CNTNAP2: variants seen among roughly 807,000 people sequenced by gnomAD.
The protein encoded by CNTNAP2 is contactin-associated protein-like 2.
In CNTNAP2, 98 loss-of-function variants were observed where a neutral mutation model predicts 155.2. That is an observed-to-expected ratio of 0.63 (90% CI 0.54 to 0.75). The LOEUF (loss-of-function observed/expected upper bound fraction) is 0.75. Among genes scored for constraint, CNTNAP2 ranks in the 30% least tolerant of loss-of-function variants. CNTNAP2 has a pLI of 0.00. For missense variants in CNTNAP2, 1,727 were observed against 1,688.1 expected (o/e 1.02, Z -0.40); for synonymous variants, 651 against 631.2 (o/e 1.03, Z -0.47).
intron 11 of CNTNAP2, among the ~76,000 whole-genome samples, chr7:147,491,671 A>G (rs920218560): frequency 3.9e-5 from 6 of 152,190 alleles, no homozygotes; most frequent in African/African-American, 1.2e-4. Flanking sequence ...TGAATGTCAA[A>G]GAGTATCCAG....
At chr7:148,244,574 T>G (rs2116804443) in intron 20 of CNTNAP2, among the ~76,000 whole-genome samples, 1 of 151,790 alleles carries the variant, frequency 6.6e-6, no homozygotes, top group East Asian at 1.9e-4. Context: ...GGGTTTTTTT[T>G]TTTTTCAATA....
At chr7:148,088,697 G>T (rs1803783348) in intron 15 of CNTNAP2, among the ~76,000 whole-genome samples, 1 of 151,912 alleles carries the variant, frequency 6.6e-6, no homozygotes, top group Admixed American at 6.6e-5. Flanking sequence ...AAAATCCCAA[G>T]ACCTGATAGC....
At chr7:146,117,237 G>A in intron 1 of CNTNAP2, 1 of 514,752 alleles carries the variant, frequency 1.9e-6, no homozygotes, top group Admixed American at 3.2e-5. Flanking sequence ...CTTGGCTAGA[G>A]AGACTGATGT....
intron 9 of CNTNAP2, among the ~76,000 whole-genome samples, chr7:147,344,156 A>T (rs1270759255): frequency 1.3e-5 from 2 of 152,142 alleles, no homozygotes; most frequent in Non-Finnish European, 2.9e-5. Context: ...TGTCTTTTCC[A>T]CTGACTCCAA....
intron 1 of CNTNAP2, among the ~76,000 whole-genome samples, chr7:146,164,510 C>A (rs1798282707): frequency 6.6e-6 from 1 of 152,172 alleles, no homozygotes; most frequent in African/African-American, 2.4e-5. Flanking sequence ...GTTGCAGCAA[C>A]TTCCTTGACA....
At chr7:147,315,426 C>A (rs187655735) in intron 9 of CNTNAP2, among the ~76,000 whole-genome samples, 1 of 149,758 alleles carries the variant, frequency 6.7e-6, no homozygotes, top group African/African-American at 2.4e-5. Context: ...TAGGCAACCA[C>A]GGCAACCACG....
At chr7:146,470,091 G>A (rs978840695) in intron 1 of CNTNAP2, among the ~76,000 whole-genome samples, 4 of 151,724 alleles carry the variant, frequency 2.6e-5, no homozygotes, top group African/African-American at 4.8e-5. Context: ...TGCCCGTCTC[G>A]GCCTCCCAAA....
At chr7:148,182,650 T>G (rs1189505388) in intron 18 of CNTNAP2, among the ~76,000 whole-genome samples, 1 of 152,254 alleles carries the variant, frequency 6.6e-6, no homozygotes, top group Admixed American at 6.5e-5. Context: ...CCTCTATTAA[T>G]TCCAACTGGT....
intron 1 of CNTNAP2, among the ~76,000 whole-genome samples, chr7:146,635,934 C>A (rs968020432): frequency 1.3e-5 from 2 of 152,120 alleles, no homozygotes; most frequent in Non-Finnish European, 2.9e-5. Flanking sequence ...AAAGGAGGGA[C>A]TGTTCCAGTG....
chr7:147,316,615 T>C (rs951882531), intron 9 of CNTNAP2, among the ~76,000 whole-genome samples: 2 of 152,268 alleles, frequency 1.3e-5, no homozygotes, highest in Non-Finnish European at 2.9e-5. Context: ...TAAATACATA[T>C]AGTAAAATTT....
intron 4 of CNTNAP2, among the ~76,000 whole-genome samples, chr7:147,102,544 C>T (rs1800678563): frequency 6.6e-6 from 1 of 152,106 alleles, no homozygotes; most frequent in African/African-American, 2.4e-5. Context: ...GGGAAAGCAA[C>T]ATATTTTAAG....
At chr7:146,674,101 T>C (rs1800355254) in intron 1 of CNTNAP2, among the ~76,000 whole-genome samples, 1 of 152,206 alleles carries the variant, frequency 6.6e-6, no homozygotes, top group Admixed American at 6.5e-5. Flanking sequence ...AATGAAAGAC[T>C]GACTGAATGA....
intron 3 of CNTNAP2, among the ~76,000 whole-genome samples, chr7:146,947,472 T>C (rs892223233): frequency 6.8e-4 from 97 of 143,324 alleles, no homozygotes; most frequent in African/African-American, 2.1e-3. Context: ...ATATATTGTA[T>C]ATATATACTA....
intron 21 of CNTNAP2, among the ~76,000 whole-genome samples, chr7:148,319,300 G>A (rs1240305531): frequency 6.6e-6 from 1 of 152,076 alleles, no homozygotes; most frequent in African/African-American, 2.4e-5. Flanking sequence ...ACATCTCATA[G>A]AAAAGATCAT....
rs192687617 is a variant in CNTNAP2 at position 148,019,607 on chromosome 7, C to A, written c.2383+41618C>A. On this transcript the variant is annotated intron_variant, in intron 15 of 23. Coordinates refer to ENST00000361727, the MANE Select transcript of CNTNAP2 (RefSeq NM_014141.6). ...GAGTAGCTGGACTTACAGGTGCATG[C>A]CACCATACCTGGCTATTTTTTATAT... 3.7e-4 allele frequency among the ~76,000 whole-genome samples: 56 copies of A among 152,228 alleles called. 1 individual carries two copies. In the East Asian group the frequency reaches 9.8e-3, roughly 27 times the overall value.
intron 1 of CNTNAP2, among the ~76,000 whole-genome samples, chr7:146,139,884 TG>T (rs1797853272): frequency 6.6e-6 from 1 of 152,144 alleles, no homozygotes; most frequent in African/African-American, 2.4e-5. Context: ...TAGCACAATT[TG>T]GGGGGTATTT....
intron 15 of CNTNAP2, among the ~76,000 whole-genome samples, chr7:148,028,841 C>T (rs550293807): frequency 6.6e-6 from 1 of 152,232 alleles, no homozygotes; most frequent in African/African-American, 2.4e-5. Context: ...GATCATTCTA[C>T]AGTATGAAGC....
At chr7:146,512,431 A>T (rs1273308341) in intron 1 of CNTNAP2, among the ~76,000 whole-genome samples, 2 of 151,502 alleles carry the variant, frequency 1.3e-5, no homozygotes, top group Non-Finnish European at 3.0e-5. Flanking sequence ...TCATTGCTAT[A>T]AATTTTCCCT....
At chr7:147,347,429 TATATATATATGCATATATATATATATGC>T (rs1235587323) in intron 9 of CNTNAP2, among the ~76,000 whole-genome samples, 43 of 53,720 alleles carry the variant, frequency 8.0e-4, no homozygotes, top group South Asian at 1.1e-3. Context: ...ATTATATATA[TATATATATATGCATATATATATATATGC>T]ATATATATAT....
Sources: allele counts gnomAD v4.1 joint callset (sites outside exome capture counted in the v4.1 genomes callset), GRCh38; gene constraint gnomAD v4.1.1; transcripts MANE v1.5; gene names NCBI Gene and HGNC (gene_info 2026-07-23, HGNC 2026-07-21).